The following SIN3A variants were observed in gnomAD, a reference collection of about 807,000 sequenced individuals.
SIN3A encodes the protein SIN3 transcription regulator family member A, also known as paired amphipathic helix protein Sin3a.
A neutral mutation model predicts 146.1 loss-of-function variants in SIN3A; 14 were observed. The ratio of observed to expected loss-of-function variants is 0.10; its 90% CI spans 0.06 to 0.15. SIN3A has a LOEUF of 0.15. Ranked by LOEUF, SIN3A falls within the 10% of genes least tolerant of loss-of-function variation. The pLI is 1.00. For missense variants in SIN3A, 1,028 were observed against 1,576.0 expected (o/e 0.65, Z 5.89); for synonymous variants, 572 against 572.0 (o/e 1.00, Z 0.00).
intron 15 of SIN3A, 49 bp downstream of exon 15, chr15:75,392,193 G>A (rs2073217636): frequency 6.5e-7 from 1 of 1,545,252 alleles, no homozygotes; most frequent in Non-Finnish European, 8.8e-7. Context: ...GTGGCTCTAA[G>A]GTCCTCAACC....
Position 75,412,853 on chromosome 15 carries a change from T to C in SIN3A, c.666A>G (p.Pro222=), listed in dbSNP as rs368488296. 1.4e-5 allele frequency: 23 copies of C among 1,612,628 alleles called. No individual in the cohort carries two copies. Among genetic ancestry groups the C allele is most frequent in the Admixed American group, 3.3e-5 (2 of 59,884 alleles). ...AAGGCTGGGAAGGATGTTGGGGTGGTGGTTGAGGCTGTGGCTGGATGCCAT... is the reference window on the plus strand; with the variant it reads ...AAGGCTGGGAAGGATGTTGGGGTGGCGGTTGAGGCTGTGGCTGGATGCCAT... ...PTHGIQPQPQ[P]PPQHPSQPSA... The change falls in exon 5 of 21, where the codon CCA becomes CCG. Residue 222 remains proline (P), a synonymous_variant. Transcript: ENST00000394947.
chr15:75,392,136 C>CT (rs2073216501), intron 15 of SIN3A, 106 bp downstream of exon 15: 7 of 1,001,564 alleles, frequency 7.0e-6, no homozygotes, highest in African/African-American at 3.2e-5. Context: ...ACTACACAGA[C>CT]TCTAATGCCT....
Position 75,434,647 on chromosome 15 carries a change from C to CAA in SIN3A, c.-33-4241_-33-4240dup, listed in dbSNP as rs557903926. Among the ~76,000 whole-genome samples, 4 of 123,086 alleles carry CAA rather than the reference C, an allele frequency of 3.2e-5. No individual in the cohort carries two copies. In the South Asian group the frequency reaches 1.0e-3, roughly 32 times the overall value. The allele number at this position is 123,086 out of a possible 152,430, so 80.7% of individuals were successfully genotyped here. ...CCTGGGCAATAGAGTGGAACTGTCT[C>CAA]AAAAAAAAAAAAAATAAAAGGTCAG... On this transcript the variant is annotated intron_variant, in intron 1 of 20. Transcript: ENST00000394947.
chr15:75,427,049 A>G (rs941346691), intron 2 of SIN3A, among the ~76,000 whole-genome samples: 9 of 152,190 alleles, frequency 5.9e-5, no homozygotes, highest in African/African-American at 1.7e-4. Context: ...TGACAGAAAA[A>G]AAGTCATTTT....
At chr15:75,376,019 C>G (rs1309528880) in intron 19 of SIN3A, 147 bp from the exon 20 acceptor site, 1 of 776,896 alleles carries the variant, frequency 1.3e-6, no homozygotes, top group Admixed American at 2.6e-5. Context: ...TGTTTCACTG[C>G]AAAAAAAATT....
intron 3 of SIN3A, among the ~76,000 whole-genome samples, chr15:75,417,253 C>T (rs1438374126): frequency 6.6e-6 from 1 of 152,116 alleles, no homozygotes. Flanking sequence ...TTCCTATTTA[C>T]TCTGAGATAC....
In SIN3A at chr15:75,398,447, G is replaced by A. The variant is rs761168908; in HGVS notation, c.1854+1593C>T. ...TCCCAGCACTTTGGAAGGCCAAGAC[G>A]GGTGGGTCACTTGAGGTCAGGAGTT... On this transcript the variant is annotated intron_variant, in intron 12 of 20. Transcript: ENST00000394947. Among the ~76,000 whole-genome samples, 4 of 152,018 alleles carry A rather than the reference G, an allele frequency of 2.6e-5. No individual in the cohort carries two copies. In the South Asian group the frequency reaches 6.2e-4, roughly 24 times the overall value.
intron 1 of SIN3A, among the ~76,000 whole-genome samples, chr15:75,436,159 A>G (rs1351244855): frequency 6.6e-6 from 1 of 151,870 alleles, no homozygotes; most frequent in Admixed American, 6.6e-5. Context: ...AAAACAAAAA[A>G]GAAAAAGACA....
At chr15:75,395,946 A>T (rs1342882992) in intron 13 of SIN3A, among the ~76,000 whole-genome samples, 1 of 152,192 alleles carries the variant, frequency 6.6e-6, no homozygotes, top group Non-Finnish European at 1.5e-5. Context: ...CAAAGATGTT[A>T]ACAACAGTTA....
chr15:75,415,319 A>T (rs2073712608), intron 3 of SIN3A: 2 of 152,832 alleles, frequency 1.3e-5, no homozygotes, highest in African/African-American at 4.8e-5. Flanking sequence ...GCCAGCATTC[A>T]AAAGTGATCC....
At chr15:75,454,170 A>T (rs2074453544), upstream of SIN3A, among the ~76,000 whole-genome samples, 1 of 151,640 alleles carries the variant, frequency 6.6e-6, no homozygotes, top group Non-Finnish European at 1.5e-5. Context: ...GCGAAAAAAA[A>T]ATCCTAGCAA....
upstream of SIN3A, chr15:75,454,760 C>G (rs1193514881): frequency 6.6e-6 from 1 of 152,036 alleles, no homozygotes; most frequent in Non-Finnish European, 1.5e-5. Context: ...GGCGGCGGCA[C>G]GGTCGGGGGA....
intron 19 of SIN3A, among the ~76,000 whole-genome samples, chr15:75,380,398 A>G (rs1489198304): frequency 2.0e-5 from 3 of 152,186 alleles, no homozygotes; most frequent in Admixed American, 1.3e-4. Context: ...ATTCCCATCC[A>G]AAGTACGGAG....
intron 1 of SIN3A, among the ~76,000 whole-genome samples, chr15:75,443,983 CTT>C (rs1447384524): frequency 6.6e-6 from 1 of 152,136 alleles, no homozygotes; most frequent in Admixed American, 6.6e-5. Flanking sequence ...ATAATTCTCC[CTT>C]TGTCATATTA....
intron 14 of SIN3A, among the ~76,000 whole-genome samples, chr15:75,393,755 G>A (rs1467316955): frequency 6.6e-6 from 1 of 152,052 alleles, no homozygotes; most frequent in Non-Finnish European, 1.5e-5. Context: ...CTTCTGGGGT[G>A]GGGGTATGGA....
chr15:75,409,097 A>G (rs996167419), intron 8 of SIN3A, among the ~76,000 whole-genome samples: 1 of 152,038 alleles, frequency 6.6e-6, no homozygotes, highest in African/African-American at 2.4e-5. Context: ...CCAGTTACTC[A>G]GGAGGCTGCG....
At chr15:75,442,301 CT>C in intron 1 of SIN3A, among the ~76,000 whole-genome samples, 1 of 150,510 alleles carries the variant, frequency 6.6e-6, no homozygotes, top group South Asian at 2.1e-4. Flanking sequence ...TATCATACAT[CT>C]TTTTGGCAAA....
intron 15 of SIN3A, among the ~76,000 whole-genome samples, chr15:75,390,671 T>C (rs1399942993): frequency 6.6e-6 from 1 of 152,226 alleles, no homozygotes; most frequent in Non-Finnish European, 1.5e-5. Flanking sequence ...CATAGGTACG[T>C]CTAGTCTGTA....
chr15:75,387,239 T>C (rs2073102449), intron 16 of SIN3A, among the ~76,000 whole-genome samples: 1 of 152,112 alleles, frequency 6.6e-6, no homozygotes, highest in South Asian at 2.1e-4. Flanking sequence ...AAAAAGTCAC[T>C]GTAGGCTGGG....
Sources: allele counts gnomAD v4.1 joint callset (sites outside exome capture counted in the v4.1 genomes callset), GRCh38; gene constraint gnomAD v4.1.1; transcripts MANE v1.5; gene names NCBI Gene and HGNC (gene_info 2026-07-23, HGNC 2026-07-21).